The following GPHN variants were observed in gnomAD, a reference collection of about 807,000 sequenced individuals.
GPHN encodes the protein gephyrin.
GPHN carries 17 observed loss-of-function variants against 95.5 expected under a neutral mutation model. The ratio of observed to expected loss-of-function variants is 0.18; its 90% CI spans 0.12 to 0.27. The LOEUF (loss-of-function observed/expected upper bound fraction) is 0.27. Among genes scored for constraint, GPHN ranks in the 10% least tolerant of loss-of-function variants. The pLI, the probability that GPHN is intolerant of heterozygous loss-of-function variation, is 1.00. For missense variants in GPHN, 660 were observed against 978.1 expected, an observed-to-expected ratio of 0.67 and a Z score of 4.34; for synonymous variants, 320 against 322.5, an observed-to-expected ratio of 0.99 and a Z score of 0.08.
chr14:67,306,367 C>CAG, the GPHN span, among the ~76,000 whole-genome samples: 1 of 151,674 alleles, frequency 6.6e-6, no homozygotes, highest in Non-Finnish European at 1.5e-5. Context: ...TTTTTTGAGA[C>CAG]AGAGTCTTGC....
intron 14 of GPHN, among the ~76,000 whole-genome samples, chr14:67,110,648 T>C (rs565046310): frequency 2.0e-5 from 3 of 152,296 alleles, no homozygotes; most frequent in Non-Finnish European, 2.9e-5. Context: ...AAATTTGCCA[T>C]TGAGACTAGC....
the GPHN span, among the ~76,000 whole-genome samples, chr14:67,665,845 C>T: frequency 7.6e-4 from 116 of 152,162 alleles, 1 homozygote; most frequent in African/African-American, 2.7e-3. Flanking sequence ...AAACCCATGG[C>T]TGTTTGTTGT....
At chr14:66,856,757 G>T (rs2062819453) in intron 4 of GPHN, among the ~76,000 whole-genome samples, 2 of 151,950 alleles carry the variant, frequency 1.3e-5, no homozygotes, top group Non-Finnish European at 2.9e-5. Flanking sequence ...TTTTCTAAAT[G>T]TACACCTCTT....
At chr14:66,889,200 G>A (rs967021409) in intron 5 of GPHN, among the ~76,000 whole-genome samples, 2 of 151,894 alleles carry the variant, frequency 1.3e-5, no homozygotes, top group African/African-American at 4.8e-5. Flanking sequence ...CCACACAAAA[G>A]GTAAGTAAAG....
intron 1 of GPHN, among the ~76,000 whole-genome samples, chr14:66,602,501 C>T (rs2140854133): frequency 6.6e-6 from 1 of 152,042 alleles, no homozygotes; most frequent in South Asian, 2.1e-4. Context: ...GTTTCAGCAC[C>T]AGTGCTTTGA....
intron 11 of GPHN, among the ~76,000 whole-genome samples, chr14:67,059,482 A>G (rs906294506): frequency 6.6e-6 from 1 of 152,196 alleles, no homozygotes; most frequent in Non-Finnish European, 1.5e-5. Context: ...TTTGTTATGC[A>G]GAAACAACAC....
the GPHN span, among the ~76,000 whole-genome samples, chr14:67,203,627 A>G: frequency 1.3e-5 from 2 of 152,208 alleles, no homozygotes; most frequent in Non-Finnish European, 2.9e-5. Flanking sequence ...AACTTGGTCT[A>G]TGATCATGAG....
chr14:66,977,320 A>G (rs911861013), intron 9 of GPHN, among the ~76,000 whole-genome samples: 2 of 152,084 alleles, frequency 1.3e-5, no homozygotes, highest in African/African-American at 4.8e-5. Flanking sequence ...AGTCCCAGCT[A>G]CTTGGAAGGC....
At chr14:67,193,156 C>A in the GPHN span, among the ~76,000 whole-genome samples, 1 of 142,490 alleles carries the variant, frequency 7.0e-6, no homozygotes, top group South Asian at 2.3e-4. Flanking sequence ...CTATATATCT[C>A]TATATAGACA....
chr14:67,680,207 A>C, the GPHN span, among the ~76,000 whole-genome samples: 2 of 152,224 alleles, frequency 1.3e-5, no homozygotes, highest in East Asian at 3.8e-4. Flanking sequence ...CGTTTACAAA[A>C]CAAGTCTTAT....
intron 11 of GPHN, among the ~76,000 whole-genome samples, chr14:67,073,261 T>TTTTC (rs1220454361): frequency 6.6e-6 from 1 of 152,054 alleles, no homozygotes; most frequent in Non-Finnish European, 1.5e-5. Flanking sequence ...AGAGTGAACA[T>TTTTC]TTTCTTTCTT....
At chr14:67,569,032 C>A in the GPHN span, 41 of 694,776 alleles carry the variant, frequency 5.9e-5, no homozygotes, top group East Asian at 8.6e-4. Context: ...CACTGCCCCC[C>A]ACAGGTCTGC....
the GPHN span, chr14:67,589,682 C>T: frequency 3.4e-5 from 34 of 991,638 alleles, no homozygotes; most frequent in Non-Finnish European, 6.0e-6. Flanking sequence ...CGTAACTTTA[C>T]ACAAGGGGTA....
chr14:66,686,481 G>T (rs2153401681), intron 2 of GPHN, among the ~76,000 whole-genome samples: 1 of 152,230 alleles, frequency 6.6e-6, no homozygotes, highest in South Asian at 2.1e-4. Flanking sequence ...TTGTAAGTTG[G>T]ATTCCTAGGT....
intron 8 of GPHN, among the ~76,000 whole-genome samples, chr14:66,955,729 G>A (rs1033047310): frequency 8.6e-5 from 13 of 151,774 alleles, no homozygotes; most frequent in Admixed American, 7.2e-4. Context: ...GACAGGCCAT[G>A]GTATGTGATG....
At chr14:67,445,783 TG>T in the GPHN span, among the ~76,000 whole-genome samples, 1 of 151,858 alleles carries the variant, frequency 6.6e-6, no homozygotes, top group East Asian at 1.9e-4. Flanking sequence ...GATGGGATTT[TG>T]CCATGTTGCC....
At chr14:66,612,842 T>G (rs896001768) in intron 1 of GPHN, among the ~76,000 whole-genome samples, 2 of 152,130 alleles carry the variant, frequency 1.3e-5, no homozygotes, top group Non-Finnish European at 2.9e-5. Context: ...TCAACATGTT[T>G]CTGAGATTTA....
intron 16 of GPHN, among the ~76,000 whole-genome samples, chr14:67,119,712 C>T (rs2078899969): frequency 6.6e-6 from 1 of 152,184 alleles, no homozygotes; most frequent in African/African-American, 2.4e-5. Flanking sequence ...CTCGCTTGAA[C>T]CCACGAGGCA....
At chr14:67,315,236 C>G in the GPHN span, among the ~76,000 whole-genome samples, 198 of 115,328 alleles carry the variant, frequency 1.7e-3, 3 homozygotes, top group Non-Finnish European at 2.6e-4. Flanking sequence ...TTACTTTGTT[C>G]TTGATTTTTA....
Sources: gnomAD v4.1 joint callset for allele counts (sites outside exome capture counted in the v4.1 genomes callset) on GRCh38, gnomAD v4.1.1 for gene constraint, MANE v1.5 for transcripts, NCBI Gene and HGNC (gene_info 2026-07-23, HGNC 2026-07-21) for gene names.